The following RAB3GAP1 variants were observed in gnomAD, a reference collection of about 807,000 sequenced individuals.
RAB3GAP1 encodes rab3 GTPase-activating protein catalytic subunit.
A neutral mutation model predicts 130.7 loss-of-function variants in RAB3GAP1; 86 were observed. That is an observed-to-expected ratio of 0.66 (90% CI 0.55 to 0.79). The LOEUF (loss-of-function observed/expected upper bound fraction) is 0.79, where lower values mean the gene tolerates loss of function less well. Ranked by LOEUF, RAB3GAP1 falls within the 30% of genes least tolerant of loss-of-function variation. The pLI is 0.00. For synonymous variants in RAB3GAP1, 367 were observed against 401.7 expected (o/e 0.91, Z 1.03); for missense variants, 1,029 against 1,169.4 (o/e 0.88, Z 1.75).
At chr2:135,151,905 A>C (rs1037207935) in intron 18 of RAB3GAP1, among the ~76,000 whole-genome samples, 1 of 152,230 alleles carries the variant, frequency 6.6e-6, no homozygotes, top group Admixed American at 6.5e-5. Context: ...GTTTTTCCCC[A>C]TGGAAACATA....
chr2:135,151,964 C>T (rs1051918398), intron 18 of RAB3GAP1, among the ~76,000 whole-genome samples: 1 of 152,206 alleles, frequency 6.6e-6, no homozygotes, highest in Non-Finnish European at 1.5e-5. Flanking sequence ...CACTGCACTT[C>T]AGCAAAACTG....
At chr2:135,149,871 A>T (rs1437883812) in intron 17 of RAB3GAP1, among the ~76,000 whole-genome samples, 1 of 152,160 alleles carries the variant, frequency 6.6e-6, no homozygotes. Flanking sequence ...GTTAGCCAGG[A>T]TGGTCTCGAT....
chr2:135,085,665 C>A (rs182551806), intron 3 of RAB3GAP1, among the ~76,000 whole-genome samples: 84 of 152,254 alleles, frequency 5.5e-4, no homozygotes, highest in African/African-American at 7.7e-4. Context: ...ATTGCCATTA[C>A]TGTCTTTTCT....
At chr2:135,053,218 G>A (rs1558753739) in intron 2 of RAB3GAP1, among the ~76,000 whole-genome samples, 1 of 152,302 alleles carries the variant, frequency 6.6e-6, no homozygotes, top group South Asian at 2.1e-4. Flanking sequence ...CTCAAGCCTG[G>A]GCCGCCCAAA....
At chr2:135,172,823 A>C (rs1216509679), downstream of RAB3GAP1, among the ~76,000 whole-genome samples, 2 of 151,976 alleles carry the variant, frequency 1.3e-5, no homozygotes, top group African/African-American at 4.8e-5. Flanking sequence ...CAACTCACAC[A>C]CCCTGTGAAG....
intron 19 of RAB3GAP1, among the ~76,000 whole-genome samples, chr2:135,157,003 G>T (rs185208849): frequency 6.4e-4 from 97 of 151,994 alleles, no homozygotes; most frequent in African/African-American, 2.3e-3. Context: ...CATTATAAGG[G>T]GAAAGTAAAA....
At chr2:135,134,293 C>T (rs1026103564) in intron 15 of RAB3GAP1, among the ~76,000 whole-genome samples, 2 of 151,998 alleles carry the variant, frequency 1.3e-5, no homozygotes, top group South Asian at 2.1e-4. Context: ...AGATTGATTA[C>T]AGTTTTTCCC....
At chr2:135,118,753 G>C (rs560421025) in intron 7 of RAB3GAP1, among the ~76,000 whole-genome samples, 87 of 152,140 alleles carry the variant, frequency 5.7e-4, no homozygotes, top group Non-Finnish European at 8.8e-4. Context: ...TAGTAATGTT[G>C]GGGATTTTGA....
At chr2:135,114,244 C>G (rs879492673) in intron 6 of RAB3GAP1, among the ~76,000 whole-genome samples, 1 of 152,058 alleles carries the variant, frequency 6.6e-6, no homozygotes, top group African/African-American at 2.4e-5. Context: ...TTTTCAGTAC[C>G]TTTAGGCCCT....
At position 135,135,850 on chromosome 2, in the gene RAB3GAP1, T is replaced by C; in HGVS notation, c.1841T>C (p.Leu614Ser). 1 of 1,614,124 alleles carries C rather than the reference T, an allele frequency of 6.2e-7. No individual in the cohort carries two copies. Among genetic ancestry groups the C allele is most frequent in the Non-Finnish European group, 8.5e-7 (1 of 1,179,962 alleles). Residue 614 changes from leucine to serine, a missense_variant, in exon 17 of 24, where the codon TTA becomes TCA. Leu to Ser is a moderately radical substitution (Grantham distance 145). Coordinates refer to ENST00000264158, the MANE Select transcript of RAB3GAP1 (RefSeq NM_012233.3). ...GGAGGACCTAAGGAGATGGCAAATT[T>C]AAGGCCGGAAGGACGGCTCTATCAG... ...KKGGPKEMAN[L>S]RPEGRLYQHG...
chr2:135,107,661 T>A (rs993483087), intron 5 of RAB3GAP1, among the ~76,000 whole-genome samples: 1 of 152,254 alleles, frequency 6.6e-6, no homozygotes, highest in African/African-American at 2.4e-5. Context: ...TCTAAGGTAA[T>A]ATATGTGAGA....
chr2:135,087,314 A>C (rs1322897491), intron 3 of RAB3GAP1, among the ~76,000 whole-genome samples: 1 of 152,190 alleles, frequency 6.6e-6, no homozygotes, highest in African/African-American at 2.4e-5. Context: ...ATTGTAGCAA[A>C]GTGTTAAAAT....
chr2:135,172,818 C>T (rs1023806235), downstream of RAB3GAP1, among the ~76,000 whole-genome samples: 5 of 152,146 alleles, frequency 3.3e-5, no homozygotes, highest in Non-Finnish European at 5.9e-5. Context: ...GCCTCCAACT[C>T]ACACACCCTG....
chr2:135,078,904 G>A (rs1689707884), intron 3 of RAB3GAP1, among the ~76,000 whole-genome samples: 1 of 152,004 alleles, frequency 6.6e-6, no homozygotes, highest in African/African-American at 2.4e-5. Flanking sequence ...GTCTCGCTCT[G>A]TCGCCCAGGC....
At chr2:135,133,839 G>A (rs1207005947) in intron 14 of RAB3GAP1, 22 bp from the exon 15 acceptor site, 1 of 1,608,194 alleles carries the variant, frequency 6.2e-7, no homozygotes, top group Non-Finnish European at 8.5e-7. Context: ...AGTTTGCTTT[G>A]TTTCTATTTT....
intron 5 of RAB3GAP1, among the ~76,000 whole-genome samples, chr2:135,101,317 A>G (rs1017617665): frequency 3.9e-5 from 6 of 152,210 alleles, no homozygotes; most frequent in African/African-American, 1.4e-4. Flanking sequence ...TCACCTAAAC[A>G]TTTATTTAAA....
Position 135,141,513 on chromosome 2 carries a change from C to T in RAB3GAP1, c.1923+5581C>T, listed in dbSNP as rs1020522818. On this transcript the variant is annotated intron_variant, in intron 17 of 23. Coordinates refer to ENST00000264158, the MANE Select transcript of RAB3GAP1 (RefSeq NM_012233.3). ...TGCTGGGATTATAGGTGTGAGCCAC[C>T]GCGCCTGGCCTGTTCACTTTCTTAA... 9.9e-5 allele frequency among the ~76,000 whole-genome samples: 15 copies of T among 152,110 alleles called. No homozygotes were observed. The East Asian group carries it at 2.3e-3, about 23-fold the overall frequency.
At chr2:135,173,840 G>A (rs533628347), downstream of RAB3GAP1, among the ~76,000 whole-genome samples, 8 of 152,152 alleles carry the variant, frequency 5.3e-5, no homozygotes, top group South Asian at 1.5e-3. Flanking sequence ...ACAGATAGGG[G>A]TGGGTGGGTG....
chr2:135,054,961 G>A (rs995595075), intron 2 of RAB3GAP1, among the ~76,000 whole-genome samples: 1 of 152,176 alleles, frequency 6.6e-6, no homozygotes, highest in African/African-American at 2.4e-5. Flanking sequence ...AATTTATTGA[G>A]AGAACTGTAT....
Sources: gnomAD v4.1 joint callset for allele counts (sites outside exome capture counted in the v4.1 genomes callset) on GRCh38, gnomAD v4.1.1 for gene constraint, MANE v1.5 for transcripts, NCBI Gene and HGNC (gene_info 2026-07-23, HGNC 2026-07-21) for gene names.